Variants in SERPINA3 observed in about 807,000 individuals in gnomAD.
SERPINA3 encodes serpin family A member 3, also known as alpha-1-antichymotrypsin.
SERPINA3 carries 32 observed loss-of-function variants against 26.8 expected under a neutral mutation model. The observed-to-expected ratio is 1.20, with a 90% CI of 0.90 to 1.61. SERPINA3 has a LOEUF of 1.61. Among genes scored for constraint, SERPINA3 ranks in the 40% most tolerant of loss-of-function variants. The pLI is 0.00. For synonymous variants in SERPINA3, 252 were observed against 206.4 expected (o/e 1.22, Z -1.89); for missense variants, 632 against 517.9 (o/e 1.22, Z -2.14).
intron 4 of SERPINA3, chr14:94,622,819 T>C (rs1886255134): frequency 2.0e-5 from 8 of 399,780 alleles, no homozygotes; most frequent in South Asian, 1.8e-4. Context: ...TGTCAAATGG[T>C]AGTGATAGTT....
rs1339673581 is a variant in SERPINA3, at chr14:94,623,739, C to A, written c.1197C>A (p.Phe399Leu). Residue 399 changes from phenylalanine (F) to leucine (L), a missense_variant, in exon 5 of 5, where the codon TTC becomes TTA. Physicochemically the swap from Phe to Leu is conservative, Grantham distance 22 (BLOSUM62 0). Coordinates refer to ENST00000393078, the MANE Select transcript of SERPINA3 (RefSeq NM_001085.5). ...TRTIVRFNRP[F>L]LMIIVPTDTQ... The stretch of plus-strand genomic sequence containing the variant: ...CCATTGTGCGTTTCAACAGGCCCTT[C>A]CTGATGATCATTGTCCCTACAGACA... 2 of 1,614,028 alleles carry A rather than the reference C, an allele frequency of 1.2e-6. No homozygotes were observed. The highest frequency in any genetic ancestry group is 1.7e-6 in the Non-Finnish European group (2 of 1,180,026).
At chr14:94,617,884 C>G (rs1324454792) in intron 2 of SERPINA3, 1 of 152,260 alleles carries the variant, frequency 6.6e-6, no homozygotes, top group African/African-American at 2.4e-5. Context: ...TGACTTCCTC[C>G]TCTGCATCTT....
Position 94,619,173 on chromosome 14 carries a change from C to T in SERPINA3, c.644-22C>T, listed in dbSNP as rs758906047. ...GCGACCCTTGCACTCACACCTTCTC[C>T]AACTGCTTGCTCCACCTTCAGCCAA... On this transcript the variant is annotated intron_variant, in intron 2 of 4. Transcript: ENST00000393078. The T allele has an allele frequency of 1.9e-5, 30 of 1,614,010 alleles. No homozygotes were observed. The African/African-American group carries it at 3.7e-4, about 20-fold the overall frequency.
intron 1 of SERPINA3, among the ~76,000 whole-genome samples, chr14:94,612,770 T>C (rs1365360367): frequency 6.6e-6 from 1 of 152,200 alleles, no homozygotes; most frequent in African/African-American, 2.4e-5. Flanking sequence ...TGCTGTCCCC[T>C]TGCCTGGAGC....
intron 2 of SERPINA3, 96 bp downstream of exon 2, chr14:94,615,180 G>C: frequency 1.5e-6 from 2 of 1,369,890 alleles, no homozygotes; most frequent in Non-Finnish European, 2.1e-6. Flanking sequence ...CACTGTAGAG[G>C]AGAGTGCCCA....
At chr14:94,613,233 T>C (rs1885850348) in intron 1 of SERPINA3, 2 of 149,904 alleles carry the variant, frequency 1.3e-5, no homozygotes, top group African/African-American at 4.9e-5. Context: ...CACTCTCTCT[T>C]CCCCTTTTCT....
intron 1 of SERPINA3, among the ~76,000 whole-genome samples, chr14:94,612,726 G>C (rs1885829134): frequency 6.6e-6 from 1 of 152,184 alleles, no homozygotes; most frequent in South Asian, 2.1e-4. Context: ...ATTCGGATTT[G>C]AGTCAGCTGT....
At position 94,623,783 on chromosome 14, in the gene SERPINA3, T is replaced by A. The variant is rs1886294840; in HGVS notation, c.1241T>A (p.Met414Lys). Residue 414 changes from methionine (M) to lysine (K), a missense_variant, in exon 5 of 5, where the codon ATG becomes AAG. Coordinates refer to ENST00000393078, the MANE Select transcript of SERPINA3 (RefSeq NM_001085.5). ...VPTDTQNIFF[M>K]SKVTNPKQA ...ACAGACACCCAGAACATCTTCTTCA[T>A]GAGCAAAGTCACCAATCCCAAGCAA... 2 of 1,614,016 alleles carry A rather than the reference T, an allele frequency of 1.2e-6. No homozygotes were observed. Among genetic ancestry groups the A allele is most frequent in the Non-Finnish European group, 1.7e-6 (2 of 1,180,038 alleles).
chr14:94,614,291 C>T, intron 1 of SERPINA3, 143 bp from the exon 2 acceptor site: 7 of 754,816 alleles, frequency 9.3e-6, no homozygotes, highest in Non-Finnish European at 1.4e-5. Context: ...TCGGGTGCCC[C>T]AGAGAGCACC....
intron 4 of SERPINA3, among the ~76,000 whole-genome samples, chr14:94,623,127 A>C (rs1293600053): frequency 3.3e-5 from 5 of 152,228 alleles, no homozygotes; most frequent in Middle Eastern, 3.2e-3. Context: ...ATTCAAGGCC[A>C]TGAAAAGTAC....
In SERPINA3 at chr14:94,623,687, T is replaced by G; in HGVS notation, c.1145T>G (p.Leu382Arg). 2 of 1,614,132 alleles carry G rather than the reference T, an allele frequency of 1.2e-6. No individual in the cohort carries two copies. Among genetic ancestry groups the G allele is most frequent in the Non-Finnish European group, 1.7e-6 (2 of 1,180,012 alleles). Residue 382 changes from leucine to arginine, a missense_variant, in exon 5 of 5, where the codon CTC (leucine) becomes CGC (arginine). By Grantham distance (102) the Leu-to-Arg change is moderately radical. Transcript: ENST00000393078. ...ASAATAVKIT[L>R]LSALVETRTI... ...GCTGCCACAGCAGTCAAAATCACCCTCCTTTCTGCATTAGTGGAGACAAGG... is the reference window on the plus strand; with the variant it reads ...GCTGCCACAGCAGTCAAAATCACCCGCCTTTCTGCATTAGTGGAGACAAGG...
At chr14:94,619,058 C>G in intron 2 of SERPINA3, 137 bp from the exon 3 acceptor site, 1 of 972,672 alleles carries the variant, frequency 1.0e-6, no homozygotes, top group Non-Finnish European at 1.6e-6. Context: ...AACTTTTACT[C>G]TTGCCAAGCT....
At chr14:94,616,338 G>T (rs568595140) in intron 2 of SERPINA3, among the ~76,000 whole-genome samples, 4 of 152,266 alleles carry the variant, frequency 2.6e-5, no homozygotes, top group Non-Finnish European at 5.9e-5. Flanking sequence ...GTGGAGACCT[G>T]CAGGGCCCCT....
At chr14:94,620,133 A>C (rs1433579291) in intron 3 of SERPINA3, among the ~76,000 whole-genome samples, 1 of 152,176 alleles carries the variant, frequency 6.6e-6, no homozygotes, top group East Asian at 1.9e-4. Flanking sequence ...TTAGTTTGTG[A>C]TTTTAGATAG....
intron 4 of SERPINA3, among the ~76,000 whole-genome samples, chr14:94,623,017 C>G (rs1886264132): frequency 6.6e-6 from 1 of 152,254 alleles, no homozygotes; most frequent in African/African-American, 2.4e-5. Context: ...TGTCTGCCCT[C>G]TGTGCTCACA....
intron 3 of SERPINA3, among the ~76,000 whole-genome samples, chr14:94,620,171 C>T (rs1039953024): frequency 7.9e-5 from 12 of 152,104 alleles, no homozygotes; most frequent in African/African-American, 2.2e-4. Context: ...GTTTGAGCAT[C>T]CATATAACAG....
Position 94,619,517 on chromosome 14 carries a change from C to A in SERPINA3, c.917+49C>A, listed in dbSNP as rs185427164. ...ACCCCACATCTCTCCACGTCAAGGT[C>A]TCACCAATGTCCAGGGACAAGGGCA... On this transcript the variant is annotated intron_variant, in intron 3 of 4. Transcript: ENST00000393078. The A allele has an allele frequency of 1.8e-4, 293 of 1,609,344 alleles. 1 individual carries two copies. The African/African-American group carries it at 2.3e-3, about 12-fold the overall frequency.
intron 2 of SERPINA3, 24 bp downstream of exon 2, chr14:94,615,108 C>A (rs764071553): frequency 1.2e-6 from 2 of 1,612,060 alleles, no homozygotes; most frequent in Non-Finnish European, 1.7e-6. Context: ...GCTTGGGGTT[C>A]AGAAGAGGTG....
chr14:94,616,625 T>C (rs74072774), intron 2 of SERPINA3, among the ~76,000 whole-genome samples: 1 of 152,098 alleles, frequency 6.6e-6, no homozygotes, highest in Non-Finnish European at 1.5e-5. Flanking sequence ...GCTAGAACTA[T>C]GTATTCAGCT....
Sources: gnomAD v4.1 joint callset for allele counts (sites outside exome capture counted in the v4.1 genomes callset) on GRCh38, gnomAD v4.1.1 for gene constraint, MANE v1.5 for transcripts, NCBI Gene and HGNC (gene_info 2026-07-23, HGNC 2026-07-21) for gene names.